MRPS9: variants seen among roughly 807,000 people sequenced by gnomAD.
MRPS9 encodes the protein small ribosomal subunit protein uS9m.
A neutral mutation model predicts 59.9 loss-of-function variants in MRPS9; 45 were observed. The ratio of observed to expected loss-of-function variants is 0.75; its 90% CI spans 0.59 to 0.96. MRPS9 has a LOEUF of 0.96. MRPS9 is among the 40% of genes least tolerant of loss of function. The pLI is 0.00. For synonymous variants in MRPS9, 171 were observed against 166.8 expected (o/e 1.03, Z -0.19); for missense variants, 473 against 481.1 (o/e 0.98, Z 0.16).
chr2:105,052,360 A>T (rs1317729971), intron 2 of MRPS9, among the ~76,000 whole-genome samples: 1 of 152,036 alleles, frequency 6.6e-6, no homozygotes, highest in Admixed American at 6.6e-5. Context: ...GGTATTGGAT[A>T]TTGTCAGATG....
At position 105,092,526 on chromosome 2, in the gene MRPS9, T is replaced by C. The variant is rs1254621967; in HGVS notation, c.777T>C (p.Pro259=). The change falls in exon 8 of 11, where the codon CCT becomes CCC. Residue 259 remains proline, a synonymous_variant. Transcript: ENST00000258455. Reference sequence around the variant, plus strand: ...AATCAAAAAAACAGCTGATTGAACCTGTACAGTATGATGAGCAAGGAATGG... The same window carrying C: ...AATCAAAAAAACAGCTGATTGAACCCGTACAGTATGATGAGCAAGGAATGG... ...TLESKKQLIE[P]VQYDEQGMAF... is the part of the protein sequence containing the mutation. The C allele has an allele frequency of 6.2e-7, 1 of 1,611,912 alleles. No individual in the cohort carries two copies. The highest frequency in any genetic ancestry group is 8.5e-7 in the Non-Finnish European group (1 of 1,179,520).
chr2:105,068,053 C>T (rs2104452603), intron 2 of MRPS9, among the ~76,000 whole-genome samples: 1 of 152,242 alleles, frequency 6.6e-6, no homozygotes, highest in Admixed American at 6.5e-5. Flanking sequence ...GAGAATGTCT[C>T]AGACTCATTT....
intron 1 of MRPS9, among the ~76,000 whole-genome samples, chr2:105,039,660 T>A (rs1463897383): frequency 1.3e-5 from 2 of 152,202 alleles, no homozygotes; most frequent in East Asian, 3.8e-4. Context: ...CAGGGTCCCC[T>A]ATTATGTTTT....
At position 105,067,178 on chromosome 2, in the gene MRPS9, G is replaced by A. The variant is rs1353632492; in HGVS notation, c.316-4135G>A. 2.6e-5 allele frequency among the ~76,000 whole-genome samples: 4 copies of A among 152,040 alleles called. No individual in the cohort carries two copies. The East Asian group carries it at 7.7e-4, about 29-fold the overall frequency. ...CTCCCACAATATCATTATCACATCT[G>A]ATACAATTATAATAATTCTATATGC... On this transcript the variant is annotated intron_variant, in intron 2 of 10. Coordinates refer to ENST00000258455, the MANE Select transcript of MRPS9 (RefSeq NM_182640.3).
intron 2 of MRPS9, among the ~76,000 whole-genome samples, chr2:105,061,324 T>C (rs1294100669): frequency 6.9e-6 from 1 of 145,688 alleles, no homozygotes; most frequent in East Asian, 2.0e-4. Context: ...GAAGTTGAAA[T>C]CTTAACATTG....
chr2:105,091,154 A>G (rs1253557861), intron 7 of MRPS9, among the ~76,000 whole-genome samples: 1 of 152,144 alleles, frequency 6.6e-6, no homozygotes, highest in Admixed American at 6.5e-5. Flanking sequence ...AGCTATGAAA[A>G]CAAAAGAAAC....
chr2:105,074,356 A>C (rs1293688991), intron 4 of MRPS9, among the ~76,000 whole-genome samples: 3 of 152,204 alleles, frequency 2.0e-5, no homozygotes, highest in Admixed American at 1.3e-4. Context: ...ACTTCTAGCA[A>C]ATCTGGCCAG....
intron 2 of MRPS9, among the ~76,000 whole-genome samples, chr2:105,064,343 AT>A (rs11313101): frequency 0.25 from 38,167 of 151,978 alleles, 4,964 homozygotes; most frequent in Middle Eastern, 0.38. Flanking sequence ...CAGGACCAGA[AT>A]TATGGCTAGG....
chr2:105,066,063 A>T (rs1679994915), intron 2 of MRPS9, among the ~76,000 whole-genome samples: 1 of 152,254 alleles, frequency 6.6e-6, no homozygotes, highest in South Asian at 2.1e-4. Flanking sequence ...GATGGCAGAC[A>T]GCGTGCCAGG....
chr2:105,095,860 T>C (rs1680650469), intron 9 of MRPS9, among the ~76,000 whole-genome samples: 1 of 151,524 alleles, frequency 6.6e-6, no homozygotes, highest in South Asian at 2.1e-4. Context: ...TCACCCAGGC[T>C]GGACTCAAAC....
intron 1 of MRPS9, 156 bp downstream of exon 1, chr2:105,038,383 G>A: frequency 2.1e-6 from 2 of 951,656 alleles, no homozygotes; most frequent in Non-Finnish European, 3.1e-6. Flanking sequence ...GAGGAGGTGG[G>A]TATTGGCGTG....
chr2:105,051,603 G>T (rs1372265016), intron 2 of MRPS9, among the ~76,000 whole-genome samples: 1 of 152,180 alleles, frequency 6.6e-6, no homozygotes, highest in East Asian at 1.9e-4. Context: ...TAGGGATTGT[G>T]CTGAATCTCT....
At chr2:105,095,461 A>G (rs989310189) in intron 9 of MRPS9, among the ~76,000 whole-genome samples, 18 of 151,150 alleles carry the variant, frequency 1.2e-4, no homozygotes, top group African/African-American at 4.1e-4. Context: ...TAAATGCAAT[A>G]GTGGAATTAG....
chr2:105,063,972 G>T (rs1388308401), intron 2 of MRPS9, among the ~76,000 whole-genome samples: 1 of 152,226 alleles, frequency 6.6e-6, no homozygotes. Flanking sequence ...GGAGAAAGAA[G>T]AACTGGTAGA....
At chr2:105,043,916 A>C (rs1679546116) in intron 1 of MRPS9, among the ~76,000 whole-genome samples, 2 of 145,802 alleles carry the variant, frequency 1.4e-5, no homozygotes, top group African/African-American at 5.1e-5. Context: ...TACAGGCGTG[A>C]GTCACCACGC....
chr2:105,038,363 G>A, intron 1 of MRPS9, 136 bp downstream of exon 1: 2 of 1,201,456 alleles, frequency 1.7e-6, no homozygotes, highest in Non-Finnish European at 2.3e-6. Flanking sequence ...GGAGGTCTGA[G>A]GTTGGGGGGG....
At chr2:105,048,814 C>T (rs948107446) in intron 1 of MRPS9, among the ~76,000 whole-genome samples, 3 of 151,914 alleles carry the variant, frequency 2.0e-5, no homozygotes, top group Non-Finnish European at 4.4e-5. Flanking sequence ...AAGGGAGTAG[C>T]CTTTTGCTCT....
chr2:105,096,140 C>T (rs73945041), intron 9 of MRPS9, among the ~76,000 whole-genome samples: 30,175 of 151,776 alleles, frequency 0.2, 3,125 homozygotes, highest in Middle Eastern at 0.35. Flanking sequence ...TTATAAATTC[C>T]GATTTGCTAT....
chr2:105,039,370 G>A (rs7603728), intron 1 of MRPS9, among the ~76,000 whole-genome samples: 29,285 of 132,790 alleles, frequency 0.22, 3,643 homozygotes, highest in Non-Finnish European at 0.3. Context: ...ATTTTTTCAT[G>A]CATCTCTTTG....
Sources: gnomAD v4.1 joint callset for allele counts (sites outside exome capture counted in the v4.1 genomes callset) on GRCh38, gnomAD v4.1.1 for gene constraint, MANE v1.5 for transcripts, NCBI Gene and HGNC (gene_info 2026-07-23, HGNC 2026-07-21) for gene names.